SMG9: variants seen among roughly 807,000 people sequenced by gnomAD.
SMG9 encodes the protein nonsense-mediated mRNA decay factor SMG9.
A neutral mutation model predicts 64.0 loss-of-function variants in SMG9; 55 were observed. That is an observed-to-expected ratio of 0.86 (90% CI 0.69 to 1.08). The LOEUF (loss-of-function observed/expected upper bound fraction) is 1.08, where lower values mean the gene tolerates loss of function less well. Ranked by LOEUF, SMG9 falls within the 50% of genes least tolerant of loss-of-function variation. The pLI is 0.00. For synonymous variants in SMG9, 244 were observed against 254.8 expected (o/e 0.96, Z 0.41); for missense variants, 554 against 681.3 (o/e 0.81, Z 2.08).
intron 2 of SMG9, chr19:43,748,665 G>A (rs764436732): frequency 3.8e-6 from 2 of 520,132 alleles, no homozygotes; most frequent in Non-Finnish European, 7.7e-6. Flanking sequence ...ACCTCTTCAT[G>A]CCTCCCCAAC....
chr19:43,730,894 A>T lies in SMG9; in HGVS notation c.*702T>A. On this transcript the variant is annotated 3_prime_UTR_variant, in exon 14 of 14. Coordinates refer to ENST00000270066, the MANE Select transcript of SMG9 (RefSeq NM_019108.4). The stretch of plus-strand genomic sequence containing the variant: ...AGGCACTGTATTTAACTGGGCATTT[A>T]ACCCAAAGGCAGGTAACTGTCTTTA... 1 of 155,214 alleles carries T rather than the reference A, an allele frequency of 6.4e-6. No homozygotes were observed. The highest frequency in any genetic ancestry group is 1.4e-5 in the Non-Finnish European group (1 of 70,674). The allele number at this position is 155,214 out of a possible 1,614,324, so 9.6% of individuals were successfully genotyped here.
At chr19:43,738,583 T>G in intron 7 of SMG9, among the ~76,000 whole-genome samples, 1 of 151,914 alleles carries the variant, frequency 6.6e-6, no homozygotes, top group East Asian at 1.9e-4. Flanking sequence ...AAATAATTAG[T>G]GTGAAAACTG....
chr19:43,733,990 A>G, intron 10 of SMG9: 1 of 567,014 alleles, frequency 1.8e-6, no homozygotes, highest in African/African-American at 1.9e-5. Context: ...TCTTTGAAGA[A>G]GAGTAGAGCG....
At chr19:43,744,975 C>A in intron 5 of SMG9, 91 bp from the exon 6 acceptor site, 1 of 863,992 alleles carries the variant, frequency 1.2e-6, no homozygotes, top group African/African-American at 1.7e-5. Context: ...GTGGCTCCCC[C>A]ACCTGCCTTA....
rs181705198 is a variant in SMG9, at chr19:43,749,087, C to T, written c.151-1035G>A. 1.2e-3 allele frequency among the ~76,000 whole-genome samples: 188 copies of T among 152,320 alleles called. 1 individual carries two copies. Among genetic ancestry groups the T allele is most frequent in the Admixed American group, 2.2e-3 (34 of 15,306 alleles). ...ATTTGCAAGGCTCCAATAAACATTT[C>T]CCTTAAATGTCACGTTGGTGCTCAA... is the stretch of plus-strand genomic sequence containing the variant. On this transcript the variant is annotated intron_variant, in intron 2 of 13. Coordinates refer to ENST00000270066, the MANE Select transcript of SMG9 (RefSeq NM_019108.4).
chr19:43,744,712 T>C (rs534534160), intron 6 of SMG9, 60 bp downstream of exon 6: 18 of 1,307,884 alleles, frequency 1.4e-5, no homozygotes, highest in East Asian at 4.8e-5. Context: ...CAAGCCCACC[T>C]TGCCCCTGCT....
At position 43,729,075 on chromosome 19, in the gene SMG9, A is replaced by G. The variant is rs984980152; in HGVS notation, c.*2521T>C. ...CTGGATGTAAAGGGGGTGGCGGGTG[A>G]CCGGTACATACTTACCCACTGTTCA... On this transcript the variant is annotated 3_prime_UTR_variant, in exon 14 of 14. Transcript: ENST00000270066. 1.0e-6 allele frequency: 1 copy of G among 977,424 alleles called. No individual in the cohort carries two copies. Among genetic ancestry groups the G allele is most frequent in the Non-Finnish European group, 1.2e-6 (1 of 822,742 alleles). 60.5% of individuals were successfully genotyped at this position (977,424 alleles called of 1,614,324 possible). A position where few individuals can be genotyped will look rare whatever the true frequency, so the allele number is the denominator to read the frequency against.
intron 6 of SMG9, among the ~76,000 whole-genome samples, chr19:43,741,248 G>C (rs1220597404): frequency 6.6e-6 from 1 of 152,212 alleles, no homozygotes; most frequent in Non-Finnish European, 1.5e-5. Context: ...CCTGGAGAGG[G>C]AAATGACAAT....
intron 12 of SMG9, 132 bp from the exon 13 acceptor site, chr19:43,733,134 C>T (rs1387356363): frequency 4.6e-6 from 6 of 1,312,436 alleles, no homozygotes; most frequent in Non-Finnish European, 5.2e-6. Context: ...TTCTATGACT[C>T]TGAAACACAC....
At chr19:43,738,314 A>G (rs1412581325) in intron 7 of SMG9, 97 bp from the exon 8 acceptor site, 3 of 1,105,968 alleles carry the variant, frequency 2.7e-6, no homozygotes, top group Non-Finnish European at 4.0e-6. Flanking sequence ...CAAGGTCAGA[A>G]ACAAAGGCAG....
intron 7 of SMG9, 80 bp from the exon 8 acceptor site, chr19:43,738,297 G>A: frequency 2.4e-6 from 3 of 1,267,064 alleles, no homozygotes; most frequent in Middle Eastern, 1.9e-4. Flanking sequence ...TCTATCTCAG[G>A]ACAAAACAAG....
chr19:43,743,031 T>C (rs1417750371), intron 6 of SMG9, among the ~76,000 whole-genome samples: 2 of 151,208 alleles, frequency 1.3e-5, no homozygotes, highest in African/African-American at 4.9e-5. Context: ...GCTGAAATTG[T>C]GCCACCGCCC....
chr19:43,735,688 A>AT (rs1373598280), intron 9 of SMG9, among the ~76,000 whole-genome samples: 1 of 151,718 alleles, frequency 6.6e-6, no homozygotes. Flanking sequence ...TTTTAAAATA[A>AT]TTTTTTACAA....
intron 10 of SMG9, 180 bp from the exon 11 acceptor site, chr19:43,733,913 G>C: frequency 1.7e-6 from 1 of 601,376 alleles, no homozygotes; most frequent in Non-Finnish European, 3.0e-6. Context: ...ACCCAGAAGT[G>C]AGTCAGGTCT....
Position 43,731,467 on chromosome 19 carries a change from G to T in SMG9, c.*129C>A. On this transcript the variant is annotated 3_prime_UTR_variant, in exon 14 of 14. Coordinates refer to ENST00000270066, the MANE Select transcript of SMG9 (RefSeq NM_019108.4). ...CTGGACACCTCATGTCTCTGGGCCG[G>T]GAAGCCACGATCCCTCATCCATCAG... 1 of 1,500,012 alleles carries T rather than the reference G, an allele frequency of 6.7e-7. No homozygotes were observed. The highest frequency in any genetic ancestry group is 8.9e-7 in the Non-Finnish European group (1 of 1,121,922). The allele number at this position is 1,500,012 out of a possible 1,614,324, so 92.9% of individuals were successfully genotyped here.
chr19:43,735,627 A>AG (rs1223991023), intron 9 of SMG9, among the ~76,000 whole-genome samples: 1 of 151,764 alleles, frequency 6.6e-6, no homozygotes, highest in East Asian at 1.9e-4. Context: ...AAAAAAAAAA[A>AG]AAAAAAAAAA....
intron 10 of SMG9, chr19:43,734,028 G>T (rs559034835): frequency 4.1e-5 from 22 of 540,820 alleles, no homozygotes; most frequent in African/African-American, 3.4e-4. Context: ...GCAAAGGAAC[G>T]GCATGTGCAA....
rs750600020 is a variant in SMG9 at position 43,747,760 on chromosome 19, G to A, written c.363C>T (p.Gly121=). The change falls in exon 4 of 14, where the codon GGC becomes GGT. Residue 121 remains glycine (G), a synonymous_variant. Coordinates refer to ENST00000270066, the MANE Select transcript of SMG9 (RefSeq NM_019108.4). ...VAVTGASTPE[G]TAPPPPAAPA... is the part of the protein sequence containing the mutation. ...GGGCTGCAGGGGGTGGTGGGGCGGT[G>A]CCCTCAGGGGTAGAGGCACCTGTCA... The A allele has an allele frequency of 2.6e-5, 42 of 1,608,880 alleles. No homozygotes were observed. Among genetic ancestry groups the A allele is most frequent in the East Asian group, 6.7e-5 (3 of 44,886 alleles).
At chr19:43,745,874 G>A (rs1968984184) in intron 5 of SMG9, among the ~76,000 whole-genome samples, 1 of 152,180 alleles carries the variant, frequency 6.6e-6, no homozygotes. Context: ...GGTGGTACAT[G>A]CCTGTAATCC....
Sources: gnomAD v4.1 joint callset for allele counts (sites outside exome capture counted in the v4.1 genomes callset) on GRCh38, gnomAD v4.1.1 for gene constraint, MANE v1.5 for transcripts, NCBI Gene and HGNC (gene_info 2026-07-23, HGNC 2026-07-21) for gene names.